Variants in CLIC1 observed in about 807,000 individuals in gnomAD.
CLIC1 encodes the protein chloride intracellular channel protein 1.
A neutral mutation model predicts 26.4 loss-of-function variants in CLIC1; 16 were observed. The observed-to-expected ratio is 0.61, with a 90% CI of 0.41 to 0.92. The LOEUF (loss-of-function observed/expected upper bound fraction) is 0.92. Among genes scored for constraint, CLIC1 ranks in the 40% least tolerant of loss-of-function variants. The pLI, the probability that CLIC1 is intolerant of heterozygous loss-of-function variation, is 0.00. For synonymous variants in CLIC1, 98 were observed against 120.8 expected (o/e 0.81, Z 1.24); for missense variants, 225 against 289.7 (o/e 0.78, Z 1.62).
In CLIC1 at chr6:31,733,712, G is replaced by A. The variant is rs746427772; in HGVS notation, c.276-40C>T. The A allele has an allele frequency of 6.8e-6, 11 of 1,607,256 alleles. No individual in the cohort carries two copies. Among genetic ancestry groups the A allele is most frequent in the African/African-American group, 1.3e-5 (1 of 74,798 alleles). ...GAAAAATGAGGTAAGATGTCTTCCT[G>A]GGAGGAACCTCAGCTAGCTCTCCTG... On this transcript the variant is annotated intron_variant, in intron 3 of 5. Coordinates refer to ENST00000375784, the Ensembl canonical transcript of CLIC1. The surrounding 1 kb of genome is among the most constrained non-coding windows in gnomAD (Gnocchi z 5.4).
intron 5 of CLIC1, 152 bp from the exon 6 acceptor site, chr6:31,731,155 G>T: frequency 3.4e-6 from 2 of 584,788 alleles, no homozygotes; most frequent in Non-Finnish European, 5.8e-6. Flanking sequence ...TGAAATCCTG[G>T]CTTTTAATAA....
chr6:31,736,566 T>C lies in CLIC1; in HGVS notation c.-266A>G. 7.4e-7 allele frequency: 1 copy of C among 1,343,342 alleles called. No individual in the cohort carries two copies. Among genetic ancestry groups the C allele is most frequent in the Non-Finnish European group, 9.6e-7 (1 of 1,045,340 alleles). 83.2% of individuals were successfully genotyped at this position (1,343,342 alleles called of 1,614,324 possible). A position where few individuals can be genotyped will look rare whatever the true frequency, so the allele number is the denominator to read the frequency against. On this transcript the variant is annotated 5_prime_UTR_variant, in exon 1 of 6. Coordinates refer to ENST00000375784, the Ensembl canonical transcript of CLIC1. The surrounding 1 kb of genome is among the most constrained non-coding windows in gnomAD (Gnocchi z 5.0). Reference sequence around the variant, plus strand: ...TCACCGACCGGCCCCGCCCTGAACCTGGGGAGGGGACTGGAGGGGGGCGGG... The same window carrying C: ...TCACCGACCGGCCCCGCCCTGAACCCGGGGAGGGGACTGGAGGGGGGCGGG...
chr6:31,736,145 G>C lies in CLIC1; in HGVS notation c.39+117C>G, dbSNP rs115835046. 12,193 of 1,025,578 alleles carry C rather than the reference G, an allele frequency of 0.012. 548 individuals carry two copies. Among genetic ancestry groups the C allele is most frequent in the South Asian group, 0.091 (6,910 of 75,806 alleles). 63.5% of individuals were successfully genotyped at this position (1,025,578 alleles called of 1,614,324 possible). On this transcript the variant is annotated intron_variant, in intron 1 of 5. Coordinates refer to ENST00000375784, the Ensembl canonical transcript of CLIC1. This position sits in a 1 kb window ranked among gnomAD's most constrained non-coding sequence, Gnocchi z 5.0. Reference sequence around the variant, plus strand: ...ACCACCCCTCAACCAAAGAGTGCACGTGGGATTGGGGGTGGGAGTCAAGGA... The same window carrying C: ...ACCACCCCTCAACCAAAGAGTGCACCTGGGATTGGGGGTGGGAGTCAAGGA...
intron 5 of CLIC1, among the ~76,000 whole-genome samples, chr6:31,731,930 A>T (rs1333668965): frequency 6.6e-6 from 1 of 152,252 alleles, no homozygotes; most frequent in Admixed American, 6.5e-5. Flanking sequence ...TGGCAGTGAT[A>T]CCGAGACAGG....
In CLIC1 at chr6:31,736,522, G is replaced by A. The variant is rs1808344751; in HGVS notation, c.-222C>T. On this transcript the variant is annotated 5_prime_UTR_variant, in exon 1 of 6. Coordinates refer to ENST00000375784, the Ensembl canonical transcript of CLIC1. This position sits in a 1 kb window ranked among gnomAD's most constrained non-coding sequence, Gnocchi z 5.0. ...CTCCAGCTCGGTCCTCTCCCGGGCT[G>A]GATCAGAGAGCCGCTGACTCACCGA... The A allele has an allele frequency of 1.5e-6, 2 of 1,375,620 alleles. No individual in the cohort carries two copies. The highest frequency in any genetic ancestry group is 5.4e-5 in the East Asian group (2 of 36,930). The allele number at this position is 1,375,620 out of a possible 1,614,324, so 85.2% of individuals were successfully genotyped here.
At position 31,732,343 on chromosome 6, in the gene CLIC1, G is replaced by T; in HGVS notation, c.438C>A (p.Ser146=). The change falls in exon 5 of 6, where the codon TCC becomes TCA. Residue 146 remains serine (S), a synonymous_variant. Coordinates refer to ENST00000375784, the Ensembl canonical transcript of CLIC1. This position sits in a 1 kb window ranked among gnomAD's most constrained non-coding sequence, Gnocchi z 5.0. ...TTTCATCCACTTCTTCTGGGAGGGG[G>T]GATGTTAAGTAATTGTCTAAAACCT... 6.3e-7 allele frequency: 1 copy of T among 1,594,594 alleles called. No homozygotes were observed. Among genetic ancestry groups the T allele is most frequent in the Non-Finnish European group, 8.5e-7 (1 of 1,171,166 alleles).
Position 31,733,532 on chromosome 6 carries a change from C to A in CLIC1, c.382+34G>T, listed in dbSNP as rs1808120903. On this transcript the variant is annotated intron_variant, in intron 4 of 5. Transcript: ENST00000375784. The surrounding 1 kb of genome is among the most constrained non-coding windows in gnomAD (Gnocchi z 5.4). ...TACCCGCTGGGTCCTCTCTATTCCT[C>A]CCAGGACCCAGGCCTCTGACCCACA... 1 of 1,534,690 alleles carries A rather than the reference C, an allele frequency of 6.5e-7. No homozygotes were observed. The highest frequency in any genetic ancestry group is 9.0e-7 in the Non-Finnish European group (1 of 1,110,220).
At position 31,736,331 on chromosome 6, in the gene CLIC1, C is replaced by T; in HGVS notation, c.-31G>A. The T allele has an allele frequency of 6.2e-7, 1 of 1,612,646 alleles. No individual in the cohort carries two copies. Among genetic ancestry groups the T allele is most frequent in the Non-Finnish European group, 8.5e-7 (1 of 1,179,970 alleles). On this transcript the variant is annotated 5_prime_UTR_variant, in exon 1 of 6. Transcript: ENST00000375784. This position sits in a 1 kb window ranked among gnomAD's most constrained non-coding sequence, Gnocchi z 5.0. ...CGTCGGGGACCAGGAAGTGGCCGTC[C>T]CTGGGGGAACTGGGAGGGGCTGGGA...
Position 31,734,089 on chromosome 6 carries a change from G to A in CLIC1, c.149+65C>T, listed in dbSNP as rs1458498482. ...AAAAATGTTCATGACAGAAGGACTC[G>A]GGTGGGTGTGTGTTTGCACACATGT... On this transcript the variant is annotated intron_variant, in intron 2 of 5. Transcript: ENST00000375784. This position sits in a 1 kb window ranked among gnomAD's most constrained non-coding sequence, Gnocchi z 5.3. The A allele has an allele frequency of 5.1e-6, 8 of 1,579,096 alleles. No homozygotes were observed. Among genetic ancestry groups the A allele is most frequent in the East Asian group, 2.2e-5 (1 of 44,674 alleles).
At position 31,733,044 on chromosome 6, in the gene CLIC1, C is replaced by T. The variant is rs931543298; in HGVS notation, c.382+522G>A. Among the ~76,000 whole-genome samples, 3 of 151,782 alleles carry T rather than the reference C, an allele frequency of 2.0e-5. No homozygotes were observed. Among genetic ancestry groups the T allele is most frequent in the African/African-American group, 7.3e-5 (3 of 41,356 alleles). On this transcript the variant is annotated intron_variant, in intron 4 of 5. Transcript: ENST00000375784. This position sits in a 1 kb window ranked among gnomAD's most constrained non-coding sequence, Gnocchi z 5.4. ...GGCTGAGGCAGGAGAATTGCTTGAA[C>T]CCGGCAGGCAGAGGTTGCAGTGAGC...
At chr6:31,737,050 C>G (rs766698035), upstream of CLIC1, 5 of 548,478 alleles carry the variant, frequency 9.1e-6, no homozygotes, top group Non-Finnish European at 1.2e-5. Flanking sequence ...CCTGTGCCCC[C>G]CGCAGTCTAC....
rs2151321825 is a variant in CLIC1, at chr6:31,736,525, T to C, written c.-225A>G. On this transcript the variant is annotated 5_prime_UTR_variant, in exon 1 of 6. Transcript: ENST00000375784. The surrounding 1 kb of genome is among the most constrained non-coding windows in gnomAD (Gnocchi z 5.0). ...CAGCTCGGTCCTCTCCCGGGCTGGATCAGAGAGCCGCTGACTCACCGACCG... is the reference window on the plus strand; with the variant it reads ...CAGCTCGGTCCTCTCCCGGGCTGGACCAGAGAGCCGCTGACTCACCGACCG... 7.3e-7 allele frequency: 1 copy of C among 1,371,920 alleles called. No individual in the cohort carries two copies. The highest frequency in any genetic ancestry group is 2.7e-5 in the East Asian group (1 of 36,726). The allele number at this position is 1,371,920 out of a possible 1,614,324, so 85.0% of individuals were successfully genotyped here.
At position 31,730,772 on chromosome 6, in the gene CLIC1, G is replaced by T; in HGVS notation, c.*70C>A. On this transcript the variant is annotated 3_prime_UTR_variant, in exon 6 of 6. Coordinates refer to ENST00000375784, the Ensembl canonical transcript of CLIC1. This position sits in a 1 kb window ranked among gnomAD's most constrained non-coding sequence, Gnocchi z 5.1. ...GGCCATTTTGGAGTGTGTCCATTGG[G>T]TAGCAATGTGGAAACCACCAGGGCC... 1.9e-6 allele frequency: 3 copies of T among 1,539,776 alleles called. No individual in the cohort carries two copies. Among genetic ancestry groups the T allele is most frequent in the Non-Finnish European group, 2.7e-6 (3 of 1,119,844 alleles).
upstream of CLIC1, chr6:31,736,575 G>A: frequency 7.5e-7 from 1 of 1,339,062 alleles, no homozygotes; most frequent in Non-Finnish European, 9.6e-7. The surrounding 1 kb of genome is among the most constrained non-coding windows in gnomAD (Gnocchi z 5.0). Context: ...CTGGGGAGGG[G>A]ACTGGAGGGG....
chr6:31,733,430 T>C lies in CLIC1; in HGVS notation c.382+136A>G. On this transcript the variant is annotated intron_variant, in intron 4 of 5. Transcript: ENST00000375784. The surrounding 1 kb of genome is among the most constrained non-coding windows in gnomAD (Gnocchi z 5.4). ...GGGAAATATAGAGGTAAAGCAAAAA[T>C]GGGAAGCTGGGGGAAATTTACGAAC... 1.5e-6 allele frequency: 1 copy of C among 654,214 alleles called. No homozygotes were observed. The highest frequency in any genetic ancestry group is 2.7e-5 in the Admixed American group (1 of 37,726). The allele number at this position is 654,214 out of a possible 1,614,324, so 40.5% of individuals were successfully genotyped here.
chr6:31,735,992 T>C (rs1808307501), intron 1 of CLIC1, among the ~76,000 whole-genome samples: 1 of 152,160 alleles, frequency 6.6e-6, no homozygotes, highest in Admixed American at 6.5e-5. Flanking sequence ...GTCTCACTTT[T>C]GGGAATTCTC....
chr6:31,731,064 C>T lies in CLIC1; in HGVS notation c.565-61G>A, dbSNP rs1157940175. ...GACCCAGGGAAGCCACCTTGGCTTT[C>T]CCTTCTCCCCAGGCCGACATGATAA... On this transcript the variant is annotated intron_variant, in intron 5 of 5. Transcript: ENST00000375784. The T allele has an allele frequency of 1.3e-5, 20 of 1,492,616 alleles. No homozygotes were observed. The South Asian group carries it at 2.4e-4, about 18-fold the overall frequency. 92.5% of individuals were successfully genotyped at this position (1,492,616 alleles called of 1,614,324 possible).
In CLIC1 at chr6:31,733,763, T is replaced by G; in HGVS notation, c.275+73A>C. 2.5e-6 allele frequency: 4 copies of G among 1,606,466 alleles called. No homozygotes were observed. The highest frequency in any genetic ancestry group is 3.4e-6 in the Non-Finnish European group (4 of 1,173,492). On this transcript the variant is annotated intron_variant, in intron 3 of 5. Transcript: ENST00000375784. The surrounding 1 kb of genome is among the most constrained non-coding windows in gnomAD (Gnocchi z 5.4). ...CCCCAGCCCCACCACCATCTCTGTT[T>G]TCCATTTCTGCAAACTGTCTGTTTC...
rs199935185 is a variant in CLIC1 at position 31,735,028 on chromosome 6, GT to G, written c.40-766del. ...CTCTGCGGCACAGCCTCACCCACGA[GT>G]AAAAATAGCCCCGGAGGCGAATGTG... On this transcript the variant is annotated intron_variant, in intron 1 of 5. Coordinates refer to ENST00000375784, the Ensembl canonical transcript of CLIC1. Among the ~76,000 whole-genome samples the G allele has an allele frequency of 1.8e-3, 275 of 152,014 alleles. 1 individual carries two copies. Among genetic ancestry groups the G allele is most frequent in the East Asian group, 0.017 (89 of 5,134 alleles).
Sources: gnomAD v4.1 joint callset for allele counts (sites outside exome capture counted in the v4.1 genomes callset) on GRCh38, gnomAD v4.1.1 for gene constraint, Gnocchi (gnomAD v3.1) non-coding constraint, MANE v1.5 for transcripts, NCBI Gene and HGNC (gene_info 2026-07-23, HGNC 2026-07-21) for gene names.